The following CASK variants were observed in gnomAD, a reference collection of about 807,000 sequenced individuals.
CASK encodes peripheral plasma membrane protein CASK.
In CASK, 4 loss-of-function variants were observed where a neutral mutation model predicts 82.9. That is an observed-to-expected ratio of 0.05 (90% CI 0.02 to 0.11). CASK has a LOEUF of 0.11. CASK is among the 10% of genes least tolerant of loss of function. CASK has a pLI of 1.00. For synonymous variants in CASK, 259 were observed against 253.5 expected (o/e 1.02, Z -0.20); for missense variants, 358 against 720.9 (o/e 0.50, Z 5.76).
intron 11 of CASK, among the ~76,000 whole-genome samples, chrX:41,614,522 A>AT (rs200039747): frequency 5.5e-3 from 543 of 98,320 alleles, no homozygotes; most frequent in East Asian, 0.016. Flanking sequence ...ACTATGGATA[A>AT]TTTTTTTTTT....
At chrX:41,675,803 T>A (rs1256915439) in intron 5 of CASK, 25 of 1,200,884 alleles carry the variant, frequency 2.1e-5, no homozygotes, top group Non-Finnish European at 2.8e-5. Flanking sequence ...TCCTTGGGTA[T>A]CTGATGTCCA....
chrX:41,605,067 A>G (rs1178169307), intron 12 of CASK, among the ~76,000 whole-genome samples: 1 of 111,292 alleles, frequency 9.0e-6, no homozygotes, highest in East Asian at 2.8e-4. Flanking sequence ...CATGACTAGA[A>G]AAAATAAAGA....
intron 2 of CASK, among the ~76,000 whole-genome samples, chrX:41,791,398 G>T (rs1399763676): frequency 9.4e-6 from 1 of 106,668 alleles, no homozygotes; most frequent in Non-Finnish European, 1.9e-5. Context: ...TACAATGTTT[G>T]GTTTTCCATT....
At chrX:41,850,455 G>A (rs1601902747) in intron 2 of CASK, among the ~76,000 whole-genome samples, 1 of 110,769 alleles carries the variant, frequency 9.0e-6, no homozygotes, top group Non-Finnish European at 1.9e-5. Context: ...AATTAACAAA[G>A]AGCAAACAAA....
chrX:41,617,177 C>A (rs1489395535), intron 11 of CASK, among the ~76,000 whole-genome samples: 2 of 112,395 alleles, frequency 1.8e-5, no homozygotes, highest in African/African-American at 6.5e-5. Context: ...ACAGGACCAG[C>A]AGATACTTTG....
rs1324014048 is a variant in CASK at position 41,633,056 on chromosome X, AAAT to A, written c.915+3519_915+3521del. Among the ~76,000 whole-genome samples, 184 of 86,196 alleles carry A rather than the reference AAAT, an allele frequency of 2.1e-3. 2 individuals are homozygous for A. Among genetic ancestry groups the A allele is most frequent in the Non-Finnish European group, 3.0e-3 (117 of 38,738 alleles). The allele number at this position is 86,196 out of a possible 115,157, so 74.9% of individuals were successfully genotyped here. A position where few individuals can be genotyped will look rare whatever the true frequency, so the allele number is the denominator to read the frequency against. On this transcript the variant is annotated intron_variant, in intron 9 of 26. Transcript: ENST00000378163. ...AAGACTCTCTCAAAAAAAAAAAAAA[AAAT>A]AATAATAATAATAAAGAAAAACTGT... is the stretch of plus-strand genomic sequence containing the variant.
intron 1 of CASK, among the ~76,000 whole-genome samples, chrX:41,901,547 C>T (rs1413589405): frequency 9.0e-6 from 1 of 110,661 alleles, no homozygotes; most frequent in African/African-American, 3.3e-5. Context: ...CTGGCTTTGG[C>T]AGGAAAAGCC....
chrX:41,555,676 T>A lies in CASK; in HGVS notation c.1807-41A>T. ...AACCCAGGAGAAAAATTTTCATTTA[T>A]TTTTCAAGAGTACAAAGTAATTTGT... is the stretch of plus-strand genomic sequence containing the variant. On this transcript the variant is annotated intron_variant, in intron 19 of 26. Transcript: ENST00000378163. The A allele has an allele frequency of 3.8e-6, 4 of 1,053,202 alleles. No homozygotes were observed. The East Asian group carries it at 1.2e-4, about 32-fold the overall frequency. 86.8% of individuals were successfully genotyped at this position (1,053,202 alleles called of 1,213,427 possible). A position where few individuals can be genotyped will look rare whatever the true frequency, so the allele number is the denominator to read the frequency against.
intron 24 of CASK, 33 bp from the exon 25 acceptor site, chrX:41,531,242 G>C (rs1221586535): frequency 9.3e-7 from 1 of 1,078,018 alleles, no homozygotes; most frequent in Admixed American, 2.2e-5. Context: ...AGGTTTAAAA[G>C]GCTGAGCTGA....
rs758286957 is a variant in CASK at position 41,721,727 on chromosome X, C to T, written c.429+17657G>A. Among the ~76,000 whole-genome samples, 4 of 111,609 alleles carry T rather than the reference C, an allele frequency of 3.6e-5. No homozygotes were observed. The South Asian group carries it at 1.1e-3, about 32-fold the overall frequency. On this transcript the variant is annotated intron_variant, in intron 5 of 26. Transcript: ENST00000378163. ...ACCTCTTTGAGCCTCAATTTCCTCC[C>T]GTGTAAAATGGGACTCCCACCACAC...
intron 5 of CASK, among the ~76,000 whole-genome samples, chrX:41,688,118 A>G (rs1362535222): frequency 2.7e-5 from 3 of 110,956 alleles, no homozygotes; most frequent in Non-Finnish European, 5.7e-5. Context: ...TAAGAGCTAC[A>G]AAACATTTTT....
At chrX:41,810,796 TAA>T (rs1281939091) in intron 2 of CASK, among the ~76,000 whole-genome samples, 1 of 111,509 alleles carries the variant, frequency 9.0e-6, no homozygotes, top group Admixed American at 9.5e-5. Context: ...GCAAATTGGA[TAA>T]AGAGTCAAGA....
intron 1 of CASK, among the ~76,000 whole-genome samples, chrX:41,899,336 T>C (rs150123633): frequency 9.0e-6 from 1 of 111,581 alleles, no homozygotes; most frequent in East Asian, 2.8e-4. Flanking sequence ...GTAGGTAGCA[T>C]ATGGTTGAGT....
rs192567343 is a variant in CASK, at chrX:41,840,820, C to T, written c.172+12295G>A. On this transcript the variant is annotated intron_variant, in intron 2 of 26. Coordinates refer to ENST00000378163, the MANE Select transcript of CASK (RefSeq NM_001367721.1). Reference sequence around the variant, plus strand: ...TAATTTTTCTTCTTTAGCTTGTTGACGTGATGGATTACATTAATTGATTTT... The same window carrying T: ...TAATTTTTCTTCTTTAGCTTGTTGATGTGATGGATTACATTAATTGATTTT... 1.3e-4 allele frequency among the ~76,000 whole-genome samples: 15 copies of T among 111,903 alleles called. No homozygotes were observed. In the East Asian group the frequency reaches 2.5e-3, roughly 19 times the overall value.
chrX:41,912,169 C>T (rs2072581441), intron 1 of CASK, among the ~76,000 whole-genome samples: 1 of 109,713 alleles, frequency 9.1e-6, no homozygotes, highest in African/African-American at 3.3e-5. Flanking sequence ...TGTTCTTACT[C>T]ATAAGTGGGA....
intron 3 of CASK, among the ~76,000 whole-genome samples, chrX:41,757,914 A>T (rs2068927192): frequency 8.9e-6 from 1 of 112,435 alleles, no homozygotes; most frequent in Non-Finnish European, 1.9e-5. Context: ...CATATTGATG[A>T]ATATATACAA....
chrX:41,824,872 G>C (rs981814982), intron 2 of CASK, among the ~76,000 whole-genome samples: 1 of 111,787 alleles, frequency 8.9e-6, no homozygotes, highest in Non-Finnish European at 1.9e-5. Flanking sequence ...CGTTGGAATA[G>C]CAGCTGTTCC....
intron 8 of CASK, among the ~76,000 whole-genome samples, chrX:41,644,487 C>A (rs999413330): frequency 9.0e-6 from 1 of 111,580 alleles, no homozygotes. Context: ...AGATGTATGT[C>A]ACCTTAGGAC....
chrX:41,543,305 G>A (rs1274697550), intron 21 of CASK, among the ~76,000 whole-genome samples: 2 of 112,380 alleles, frequency 1.8e-5, no homozygotes, highest in African/African-American at 6.4e-5. Context: ...GTGAAAGAGT[G>A]GGGAAGGTCT....
Sources: gnomAD v4.1 joint callset for allele counts (sites outside exome capture counted in the v4.1 genomes callset) on GRCh38, gnomAD v4.1.1 for gene constraint, MANE v1.5 for transcripts, NCBI Gene and HGNC (gene_info 2026-07-23, HGNC 2026-07-21) for gene names.